The following MAP3K20 variants were observed in gnomAD, a reference collection of about 807,000 sequenced individuals.
MAP3K20 encodes the protein mitogen-activated protein kinase kinase kinase 20.
In MAP3K20, 40 loss-of-function variants were observed where a neutral mutation model predicts 85.7. That is an observed-to-expected ratio of 0.47 (90% CI 0.36 to 0.61). MAP3K20 has a LOEUF of 0.61. Ranked by LOEUF, MAP3K20 falls within the 20% of genes least tolerant of loss-of-function variation. The pLI is 0.00. For synonymous variants in MAP3K20, 325 were observed against 327.7 expected (o/e 0.99, Z 0.09); for missense variants, 817 against 961.7 (o/e 0.85, Z 1.99).
intron 18 of MAP3K20, among the ~76,000 whole-genome samples, chr2:173,262,597 T>C (rs1320978626): frequency 6.9e-6 from 1 of 144,186 alleles, no homozygotes; most frequent in Non-Finnish European, 1.5e-5. Context: ...CAAAACTGTC[T>C]CAAAAAAGAA....
chr2:173,090,869 C>A (rs115450259), intron 1 of MAP3K20, 129 bp from the exon 2 acceptor site: 3 of 1,356,318 alleles, frequency 2.2e-6, no homozygotes, highest in Non-Finnish European at 2.8e-6. Context: ...TGCTTTTCTT[C>A]TTCCTAAGTC....
intron 9 of MAP3K20, among the ~76,000 whole-genome samples, chr2:173,206,441 G>GTCCCCTGTATTTGATT (rs1683689244): frequency 6.6e-6 from 1 of 152,144 alleles, no homozygotes; most frequent in Non-Finnish European, 1.5e-5. Flanking sequence ...ACAGTGACAT[G>GTCCCCTGTATTTGATT]TCCCCTGTAT....
At chr2:173,258,852 T>G in intron 17 of MAP3K20, 37 bp downstream of exon 17, 1 of 1,290,826 alleles carries the variant, frequency 7.7e-7, no homozygotes, top group Non-Finnish European at 1.1e-6. Flanking sequence ...CTCTTTTGAA[T>G]TCACAGATAT....
At chr2:173,085,805 T>C (rs1290375817) in intron 1 of MAP3K20, among the ~76,000 whole-genome samples, 1 of 139,824 alleles carries the variant, frequency 7.2e-6, no homozygotes, top group East Asian at 2.0e-4. Context: ...TTTTTTTTTT[T>C]TTTTTTTTGA....
At chr2:173,205,115 A>AC (rs1553581823) in intron 9 of MAP3K20, among the ~76,000 whole-genome samples, 48 of 140,392 alleles carry the variant, frequency 3.4e-4, no homozygotes, top group African/African-American at 4.7e-4. Context: ...AAAAAAAAAA[A>AC]AAAAAAATAA....
At chr2:173,207,854 C>A (rs926537654) in intron 9 of MAP3K20, among the ~76,000 whole-genome samples, 2 of 151,746 alleles carry the variant, frequency 1.3e-5, no homozygotes, top group Admixed American at 6.6e-5. Context: ...AATATTATTA[C>A]CACAAAAATC....
At chr2:173,208,397 T>TA (rs11446256) in intron 9 of MAP3K20, among the ~76,000 whole-genome samples, 78,200 of 144,764 alleles carry the variant, frequency 0.54, 22,554 homozygotes, top group Middle Eastern at 0.79. Flanking sequence ...GACTCTGTCT[T>TA]AAAAAAAAAA....
chr2:173,172,921 C>T (rs1309321048), intron 3 of MAP3K20, among the ~76,000 whole-genome samples: 1 of 152,002 alleles, frequency 6.6e-6, no homozygotes, highest in Non-Finnish European at 1.5e-5. Context: ...CCTCAGCCTC[C>T]TGAATAGCTG....
At chr2:173,120,667 T>C (rs188185415) in intron 2 of MAP3K20, among the ~76,000 whole-genome samples, 36 of 151,266 alleles carry the variant, frequency 2.4e-4, no homozygotes, top group Admixed American at 2.3e-3. Context: ...CTGTGAGTTA[T>C]TAGGTATAAC....
Position 173,228,579 on chromosome 2 carries a change from C to T in MAP3K20, c.988-1110C>T, listed in dbSNP as rs1021871804. Among the ~76,000 whole-genome samples, 6 of 152,136 alleles carry T rather than the reference C, an allele frequency of 3.9e-5. No homozygotes were observed. In the East Asian group the frequency reaches 5.8e-4, roughly 15 times the overall value. ...GACTCAACAAAAATTTACCAGATACCGTATGCCAGGCACTATGTTAGGCAT... is the reference window on the plus strand; with the variant it reads ...GACTCAACAAAAATTTACCAGATACTGTATGCCAGGCACTATGTTAGGCAT... On this transcript the variant is annotated intron_variant, in intron 11 of 19. Coordinates refer to ENST00000375213, the MANE Select transcript of MAP3K20 (RefSeq NM_016653.3).
At chr2:173,253,288 A>G (rs17691660) in intron 16 of MAP3K20, among the ~76,000 whole-genome samples, 6,098 of 152,252 alleles carry the variant, frequency 0.04, 184 homozygotes, top group Admixed American at 0.093. Flanking sequence ...TGAGCTCCTA[A>G]TTCGGTTCTG....
chr2:173,226,974 T>C (rs757584285), intron 11 of MAP3K20: 1 of 985,608 alleles, frequency 1.0e-6, no homozygotes, highest in Admixed American at 6.1e-5. Context: ...TACTCTTGTG[T>C]GGTAAGACTA....
intron 12 of MAP3K20, among the ~76,000 whole-genome samples, chr2:173,231,646 C>T (rs1220860670): frequency 6.6e-6 from 1 of 152,188 alleles, no homozygotes; most frequent in African/African-American, 2.4e-5. Flanking sequence ...CACCAAGGTA[C>T]TGTGAGAGGC....
intron 16 of MAP3K20, among the ~76,000 whole-genome samples, chr2:173,248,232 G>A (rs1042922635): frequency 5.3e-5 from 8 of 152,046 alleles, no homozygotes; most frequent in Non-Finnish European, 8.8e-5. Flanking sequence ...TCTCAGTTTC[G>A]TCACACATTT....
chr2:173,192,261 C>A (rs1009421091), intron 7 of MAP3K20, among the ~76,000 whole-genome samples: 1 of 152,030 alleles, frequency 6.6e-6, no homozygotes, highest in African/African-American at 2.4e-5. Context: ...CGTTGTCAGA[C>A]CTGTTTTGTT....
At chr2:173,196,591 G>A (rs1038773901) in intron 7 of MAP3K20, among the ~76,000 whole-genome samples, 6 of 152,044 alleles carry the variant, frequency 3.9e-5, no homozygotes, top group Admixed American at 3.3e-4. Context: ...AATTATCTTC[G>A]TATTAGCCAG....
chr2:173,224,013 C>T, intron 11 of MAP3K20: 2 of 984,016 alleles, frequency 2.0e-6, no homozygotes, highest in Non-Finnish European at 2.4e-6. Flanking sequence ...CTGTGCCAGA[C>T]ACTGTTCTGG....
At chr2:173,098,101 T>A (rs1402532262) in intron 2 of MAP3K20, among the ~76,000 whole-genome samples, 1 of 152,236 alleles carries the variant, frequency 6.6e-6, no homozygotes, top group Non-Finnish European at 1.5e-5. Context: ...TTACTTTCTT[T>A]GTAAATCCTC....
At chr2:173,148,739 T>A (rs1412551423) in intron 2 of MAP3K20, among the ~76,000 whole-genome samples, 2 of 152,254 alleles carry the variant, frequency 1.3e-5, no homozygotes, top group Non-Finnish European at 2.9e-5. Flanking sequence ...GTTATTTTGC[T>A]GATCTCTATG....
Sources: allele counts gnomAD v4.1 joint callset (sites outside exome capture counted in the v4.1 genomes callset), GRCh38; gene constraint gnomAD v4.1.1; transcripts MANE v1.5; gene names NCBI Gene and HGNC (gene_info 2026-07-23, HGNC 2026-07-21).